The following GNAO1 variants were observed in gnomAD, a reference collection of about 807,000 sequenced individuals.
GNAO1 encodes the protein G protein subunit alpha o1, also known as guanine nucleotide-binding protein G(o) subunit alpha.
For synonymous variants in GNAO1, 164 were observed against 180.7 expected (o/e 0.91, Z 0.74); for missense variants, 166 against 478.7 (o/e 0.35, Z 6.10).
Position 56,311,589 on chromosome 16 carries a change from C to T in GNAO1, c.304-17042C>T, listed in dbSNP as rs1253773175. Among the ~76,000 whole-genome samples, 2 of 152,176 alleles carry T rather than the reference C, an allele frequency of 1.3e-5. No homozygotes were observed. Among genetic ancestry groups the T allele is most frequent in the African/African-American group, 2.4e-5 (1 of 41,440 alleles). Reference sequence around the variant, plus strand: ...GGAGCAGGCCACCCACCTGGCCCTGCGCTGAACTGAGAACCCGAGGAGCGC... The same window carrying T: ...GGAGCAGGCCACCCACCTGGCCCTGTGCTGAACTGAGAACCCGAGGAGCGC... On this transcript the variant is annotated intron_variant, in intron 3 of 8. Transcript: ENST00000262493. This position sits in a 1 kb window ranked among gnomAD's most constrained non-coding sequence, Gnocchi z 5.2.
chr16:56,291,605 C>T (rs549993952), intron 3 of GNAO1, among the ~76,000 whole-genome samples: 1 of 152,206 alleles, frequency 6.6e-6, no homozygotes, highest in Non-Finnish European at 1.5e-5. Flanking sequence ...TCTGCCCTTG[C>T]CTCTGCCCCC....
chr16:56,324,365 C>T (rs1413868718), intron 3 of GNAO1, among the ~76,000 whole-genome samples: 1 of 152,222 alleles, frequency 6.6e-6, no homozygotes. Context: ...ACCCTGCTCT[C>T]AGGTCCTGAC....
At chr16:56,334,027 G>A (rs552510544) in intron 4 of GNAO1, among the ~76,000 whole-genome samples, 13 of 152,388 alleles carry the variant, frequency 8.5e-5, no homozygotes, top group African/African-American at 3.1e-4. Context: ...GGCCTGGGCA[G>A]GTGACTTGCA....
chr16:56,328,563 C>T (rs1375506852), intron 3 of GNAO1, 68 bp from the exon 4 acceptor site: 2 of 1,519,702 alleles, frequency 1.3e-6, no homozygotes, highest in African/African-American at 1.4e-5. Context: ...TAGGGGAGAG[C>T]CCTTGGCTGG....
chr16:56,349,876 C>T (rs745533978), intron 6 of GNAO1, among the ~76,000 whole-genome samples: 11 of 152,198 alleles, frequency 7.2e-5, no homozygotes, highest in Non-Finnish European at 1.5e-4. Context: ...GGCCGTAAGA[C>T]GCACGGAGCC....
intron 2 of GNAO1, among the ~76,000 whole-genome samples, chr16:56,247,545 C>G (rs1422325914): frequency 7.2e-6 from 1 of 139,112 alleles, no homozygotes; most frequent in Non-Finnish European, 1.5e-5. Flanking sequence ...GTCTTGTGGA[C>G]AGCCACATGT....
chr16:56,270,056 G>A (rs1346109900), intron 2 of GNAO1, among the ~76,000 whole-genome samples: 1 of 152,198 alleles, frequency 6.6e-6, no homozygotes, highest in Non-Finnish European at 1.5e-5. Flanking sequence ...GCAGCAGAGA[G>A]AGAAATGGAG....
At chr16:56,297,916 C>G (rs1445173446) in intron 3 of GNAO1, among the ~76,000 whole-genome samples, 1 of 152,168 alleles carries the variant, frequency 6.6e-6, no homozygotes, top group Non-Finnish European at 1.5e-5. Context: ...CGCCCATAAT[C>G]CCAGCACTCT....
intron 2 of GNAO1, among the ~76,000 whole-genome samples, chr16:56,241,933 G>A (rs1190855213): frequency 1.3e-5 from 2 of 152,220 alleles, no homozygotes; most frequent in African/African-American, 4.8e-5. Context: ...AGCTACACTG[G>A]GAAGATGAAA....
chr16:56,328,144 T>C (rs1289653837), intron 3 of GNAO1, among the ~76,000 whole-genome samples: 1 of 152,170 alleles, frequency 6.6e-6, no homozygotes, highest in East Asian at 1.9e-4. Flanking sequence ...ATAGCCCAGT[T>C]CTAGGGACTG....
At chr16:56,259,637 A>C (rs1403285236) in intron 2 of GNAO1, among the ~76,000 whole-genome samples, 1 of 152,224 alleles carries the variant, frequency 6.6e-6, no homozygotes, top group Non-Finnish European at 1.5e-5. Flanking sequence ...TTCAGTAGCC[A>C]TGCGTCTGGC....
intron 2 of GNAO1, among the ~76,000 whole-genome samples, chr16:56,239,908 G>T (rs890718600): frequency 6.6e-6 from 1 of 152,206 alleles, no homozygotes; most frequent in Admixed American, 6.5e-5. Context: ...CTTGGGGTAG[G>T]GGGTGCAGGT....
chr16:56,297,900 G>A (rs1366906659), intron 3 of GNAO1, among the ~76,000 whole-genome samples: 1 of 152,204 alleles, frequency 6.6e-6, no homozygotes, highest in Non-Finnish European at 1.5e-5. Context: ...TGGGAGTGCT[G>A]GCTCACGCCC....
At chr16:56,350,954 C>A (rs2037915083) in intron 6 of GNAO1, among the ~76,000 whole-genome samples, 1 of 151,672 alleles carries the variant, frequency 6.6e-6, no homozygotes, top group Non-Finnish European at 1.5e-5. Context: ...TGCACACAGG[C>A]ATGCACACAC....
intron 2 of GNAO1, chr16:56,226,602 C>G (rs2036535155): frequency 6.6e-6 from 1 of 152,212 alleles, no homozygotes; most frequent in South Asian, 2.1e-4. Context: ...AAAGAAAGAT[C>G]CTGGGGCAGT....
At chr16:56,306,935 A>C (rs1276653813) in intron 3 of GNAO1, 2 of 152,522 alleles carry the variant, frequency 1.3e-5, no homozygotes, top group African/African-American at 4.8e-5. Flanking sequence ...GGGGGGCTGC[A>C]GCCCTTGGGA....
At chr16:56,334,185 T>C (rs2037718326) in intron 4 of GNAO1, among the ~76,000 whole-genome samples, 1 of 152,042 alleles carries the variant, frequency 6.6e-6, no homozygotes, top group African/African-American at 2.4e-5. Flanking sequence ...ACAGACCCCT[T>C]GGTAAGTGAG....
intron 2 of GNAO1, among the ~76,000 whole-genome samples, chr16:56,220,464 G>A (rs1025969292): frequency 6.6e-6 from 1 of 152,186 alleles, no homozygotes; most frequent in Non-Finnish European, 1.5e-5. Flanking sequence ...GAAGTTTGGG[G>A]TCCAAAACTG....
At chr16:56,336,479 A>C in intron 5 of GNAO1, 1 of 405,144 alleles carries the variant, frequency 2.5e-6, no homozygotes, top group South Asian at 3.7e-5. Flanking sequence ...CTCAGATGCA[A>C]GGGCAGGTCT....
Sources: gnomAD v4.1 joint callset for allele counts (sites outside exome capture counted in the v4.1 genomes callset) on GRCh38, gnomAD v4.1.1 for gene constraint, Gnocchi (gnomAD v3.1) non-coding constraint, MANE v1.5 for transcripts, NCBI Gene and HGNC (gene_info 2026-07-23, HGNC 2026-07-21) for gene names.